The following UNC5CL variants were observed in gnomAD, a reference collection of about 807,000 sequenced individuals.
UNC5CL encodes UNC5C-like protein.
UNC5CL carries 42 observed loss-of-function variants against 54.1 expected under a neutral mutation model. That is an observed-to-expected ratio of 0.78 (90% CI 0.61 to 1.00). UNC5CL has a LOEUF of 1.00. UNC5CL is among the 50% of genes least tolerant of loss of function. The pLI is 0.00. For synonymous variants in UNC5CL, 285 were observed against 285.1 expected, an observed-to-expected ratio of 1.00 and a Z score of 0.00; for missense variants, 619 against 675.6, an observed-to-expected ratio of 0.92 and a Z score of 0.93.
chr6:41,026,936 A>T lies in UNC5CL; in HGVS notation c.*1437T>A, dbSNP rs930416013. ...AGAAAAAAAGCTTTAATATTTTTTA[A>T]TTAAATACAGAAGAAAATTGTGTTG... On this transcript the variant is annotated 3_prime_UTR_variant, in exon 9 of 9. Transcript: ENST00000244565. 1 of 152,228 alleles carries T rather than the reference A, an allele frequency of 6.6e-6. No individual in the cohort carries two copies. The highest frequency in any genetic ancestry group is 2.4e-5 in the African/African-American group (1 of 41,444). 9.4% of individuals were successfully genotyped at this position (152,228 alleles called of 1,614,324 possible).
At chr6:41,033,775 A>G in intron 3 of UNC5CL, 106 bp downstream of exon 3, 2 of 1,329,564 alleles carry the variant, frequency 1.5e-6, no homozygotes, top group South Asian at 1.4e-5. Context: ...TTTGCAGACC[A>G]TCTTCTATAC....
intron 5 of UNC5CL, 68 bp downstream of exon 5, chr6:41,031,968 G>C: frequency 6.6e-7 from 1 of 1,520,110 alleles, no homozygotes; most frequent in South Asian, 1.1e-5. Flanking sequence ...AGGGTTACTG[G>C]GAGGGAAGGA....
chr6:41,032,730 C>A (rs958311629), intron 4 of UNC5CL, among the ~76,000 whole-genome samples, 154 bp downstream of exon 4: 1 of 152,100 alleles, frequency 6.6e-6, no homozygotes, highest in Admixed American at 6.5e-5. Flanking sequence ...CACTGCACTC[C>A]GGCCTGGGCA....
intron 4 of UNC5CL, among the ~76,000 whole-genome samples, chr6:41,032,601 A>T (rs1762467521): frequency 1.3e-5 from 2 of 152,200 alleles, no homozygotes; most frequent in South Asian, 4.1e-4. Context: ...TCTACCAAAA[A>T]TACAAAAAAA....
At position 41,034,032 on chromosome 6, in the gene UNC5CL, G is replaced by C; in HGVS notation, c.535C>G (p.Leu179Val). ...HGASFLKPCT[L>V]TFKHCAEQPS... ...TGCTCGGCACAGTGTTTGAACGTGA[G>C]AGTGCAAGGCTTCAGGAAGGAGGCC... The change falls in exon 3 of 9, where the codon CTC becomes GTC. Residue 179 changes from leucine (L) to valine (V), a missense_variant. Physicochemically the swap from Leu to Val is conservative, Grantham distance 32 (BLOSUM62 1). Coordinates refer to ENST00000244565, the MANE Select transcript of UNC5CL (RefSeq NM_173561.3). 1 of 1,614,190 alleles carries C rather than the reference G, an allele frequency of 6.2e-7. No individual in the cohort carries two copies. The highest frequency in any genetic ancestry group is 8.5e-7 in the Non-Finnish European group (1 of 1,180,020).
intron 2 of UNC5CL, 32 bp from the exon 3 acceptor site, chr6:41,034,213 T>G: frequency 6.4e-7 from 1 of 1,570,734 alleles, no homozygotes; most frequent in South Asian, 1.2e-5. Flanking sequence ...GAGATGGGCC[T>G]GGTAGGCAGG....
chr6:41,036,961 A>C (rs1313678782), intron 1 of UNC5CL, among the ~76,000 whole-genome samples: 1 of 149,520 alleles, frequency 6.7e-6, no homozygotes, highest in African/African-American at 2.5e-5. Context: ...TACAATTTCC[A>C]ACACGCCTGC....
intron 1 of UNC5CL, among the ~76,000 whole-genome samples, chr6:41,036,172 G>T (rs1762521976): frequency 6.6e-6 from 1 of 152,192 alleles, no homozygotes; most frequent in African/African-American, 2.4e-5. Flanking sequence ...AAGAACAGGA[G>T]AAATTAATAC....
Position 41,028,646 on chromosome 6 carries a change from C to A in UNC5CL, c.1335-51G>T, listed in dbSNP as rs760929761. On this transcript the variant is annotated intron_variant, in intron 8 of 8. Transcript: ENST00000244565. This position sits in a 1 kb window ranked among gnomAD's most constrained non-coding sequence, Gnocchi z 4.3. ...AAGGGTGTAGGAGCAGGGAGGGGCTCCCCCCCTGCTGCAGGCTCCCTGGGC... is the reference window on the plus strand; with the variant it reads ...AAGGGTGTAGGAGCAGGGAGGGGCTACCCCCCTGCTGCAGGCTCCCTGGGC... The A allele has an allele frequency of 7.2e-6, 11 of 1,523,110 alleles. No individual in the cohort carries two copies. The South Asian group carries it at 1.3e-4, about 18-fold the overall frequency. 94.3% of individuals were successfully genotyped at this position (1,523,110 alleles called of 1,614,324 possible). A position where few individuals can be genotyped will look rare whatever the true frequency, so the allele number is the denominator to read the frequency against.
chr6:41,031,092 G>A (rs1469482370), intron 6 of UNC5CL, among the ~76,000 whole-genome samples: 7 of 152,154 alleles, frequency 4.6e-5, no homozygotes, highest in Admixed American at 4.6e-4. Context: ...TCAGCCATAT[G>A]TGTACCTTCC....
intron 1 of UNC5CL, among the ~76,000 whole-genome samples, chr6:41,036,825 A>G (rs1382752698): frequency 1.3e-5 from 2 of 151,322 alleles, no homozygotes; most frequent in South Asian, 2.1e-4. Flanking sequence ...GCAGGGCAAA[A>G]GCATACACTC....
chr6:41,031,944 G>T (rs1223526886), intron 5 of UNC5CL, 92 bp downstream of exon 5: 16 of 1,351,914 alleles, frequency 1.2e-5, no homozygotes, highest in Non-Finnish European at 1.5e-5. Context: ...CTGCATGGGG[G>T]TCTGCAGAGC....
At chr6:41,035,879 A>G (rs993598960) in intron 1 of UNC5CL, among the ~76,000 whole-genome samples, 1 of 152,166 alleles carries the variant, frequency 6.6e-6, no homozygotes, top group Non-Finnish European at 1.5e-5. Context: ...TCCTGCCTCA[A>G]TACTGCTTAA....
rs1393431549 is a variant in UNC5CL, at chr6:41,027,906, AGTTTG to A, written c.*462_*466del. The A allele has an allele frequency of 2.6e-5, 4 of 155,338 alleles. No individual in the cohort carries two copies. The highest frequency in any genetic ancestry group is 9.6e-5 in the African/African-American group (4 of 41,512). The allele number at this position is 155,338 out of a possible 1,614,324, so 9.6% of individuals were successfully genotyped here. A position where few individuals can be genotyped will look rare whatever the true frequency, so the allele number is the denominator to read the frequency against. ...TAACCACAGGGCAGGGCTGTTTTCG[AGTTTG>A]CCCTTGGCTCCTATGAGCACATCTT... On this transcript the variant is annotated 3_prime_UTR_variant, in exon 9 of 9. Coordinates refer to ENST00000244565, the MANE Select transcript of UNC5CL (RefSeq NM_173561.3).
intron 2 of UNC5CL, 126 bp downstream of exon 2, chr6:41,034,564 G>T: frequency 1.6e-6 from 2 of 1,268,528 alleles, no homozygotes; most frequent in Non-Finnish European, 2.1e-6. Context: ...AGTCAATAAA[G>T]CTATACTCAA....
rs1581974448 is a variant in UNC5CL, at chr6:41,028,917, A to C, written c.1335-322T>G. 6.7e-6 allele frequency among the ~76,000 whole-genome samples: 1 copy of C among 149,786 alleles called. No individual in the cohort carries two copies. The highest frequency in any genetic ancestry group is 1.5e-5 in the Non-Finnish European group (1 of 67,542). On this transcript the variant is annotated intron_variant, in intron 8 of 8. Coordinates refer to ENST00000244565, the MANE Select transcript of UNC5CL (RefSeq NM_173561.3). The surrounding 1 kb of genome is among the most constrained non-coding windows in gnomAD (Gnocchi z 4.3). ...CTGATGTTCTGTAATTGCCTTCTCT[A>C]CCTCCCCCACTCCAAATACACCCCT...
chr6:41,034,930 G>C lies in UNC5CL; in HGVS notation c.145C>G (p.Gln49Glu), dbSNP rs1466756097. 10 of 1,614,028 alleles carry C rather than the reference G, an allele frequency of 6.2e-6. No homozygotes were observed. Among genetic ancestry groups the C allele is most frequent in the Non-Finnish European group, 8.5e-6 (10 of 1,180,020 alleles). ...LLGACWTLNG[Q>E]EEPVSQPTPQ... ...GTAGGCTGGGACACTGGTTCCTCTTGACCATTCAGTGTCCAGCAGGCCCCC... is the reference window on the plus strand; with the variant it reads ...GTAGGCTGGGACACTGGTTCCTCTTCACCATTCAGTGTCCAGCAGGCCCCC... Residue 49 changes from glutamine (Q) to glutamate (E), a missense_variant, in exon 2 of 9, where the codon CAA (glutamine) becomes GAA (glutamate). Gln to Glu is a conservative substitution (Grantham distance 29). Transcript: ENST00000244565.
At chr6:41,032,009 G>A (rs746742394) in intron 5 of UNC5CL, 27 bp downstream of exon 5, 48 of 1,604,578 alleles carry the variant, frequency 3.0e-5, no homozygotes, top group Non-Finnish European at 4.0e-5. Context: ...GAGAGGGGAG[G>A]AGGTACACAC....
chr6:41,037,942 A>G (rs1020774843), intron 1 of UNC5CL, among the ~76,000 whole-genome samples: 4 of 152,082 alleles, frequency 2.6e-5, no homozygotes, highest in African/African-American at 4.8e-5. Flanking sequence ...GTCTCATCTC[A>G]TCCTCACAGC....
Sources: gnomAD v4.1 joint callset for allele counts (sites outside exome capture counted in the v4.1 genomes callset) on GRCh38, gnomAD v4.1.1 for gene constraint, Gnocchi (gnomAD v3.1) non-coding constraint, MANE v1.5 for transcripts, NCBI Gene and HGNC (gene_info 2026-07-23, HGNC 2026-07-21) for gene names.